ALMS1: variants seen among roughly 807,000 people sequenced by gnomAD.
ALMS1 encodes ALMS1 centrosome and basal body associated protein.
A neutral mutation model predicts 352.2 loss-of-function variants in ALMS1; 271 were observed. The ratio of observed to expected loss-of-function variants is 0.77; its 90% CI spans 0.70 to 0.85. The LOEUF is 0.85. ALMS1 is among the 40% of genes least tolerant of loss of function. The probability of loss-of-function intolerance (pLI) is 0.00; values close to 1 mark genes in which losing one functional copy is unlikely to be tolerated. For missense variants in ALMS1, 5,445 were observed against 4,870.7 expected, an observed-to-expected ratio of 1.12 and a Z score of -3.51; for synonymous variants, 1,865 against 1,761.2, an observed-to-expected ratio of 1.06 and a Z score of -1.48.
chr2:73,533,285 A>T (rs958865664), intron 11 of ALMS1, among the ~76,000 whole-genome samples: 2 of 152,188 alleles, frequency 1.3e-5, no homozygotes, highest in African/African-American at 4.8e-5. Flanking sequence ...CACATCACCA[A>T]GACTTTCCTG....
At chr2:73,586,806 G>T (rs1016778399) in intron 16 of ALMS1, among the ~76,000 whole-genome samples, 1 of 152,136 alleles carries the variant, frequency 6.6e-6, no homozygotes, top group African/African-American at 2.4e-5. Flanking sequence ...TATTTTGATG[G>T]AAATTGCATT....
intron 16 of ALMS1, among the ~76,000 whole-genome samples, chr2:73,589,570 T>A (rs1470414803): frequency 6.6e-6 from 1 of 152,248 alleles, no homozygotes; most frequent in Non-Finnish European, 1.5e-5. Flanking sequence ...TACATATTTT[T>A]TAAGTATGCA....
At chr2:73,402,835 T>C (rs1468005567) in intron 1 of ALMS1, among the ~76,000 whole-genome samples, 1 of 152,200 alleles carries the variant, frequency 6.6e-6, no homozygotes, top group East Asian at 1.9e-4. Context: ...TTTTTCTGTT[T>C]TGGAGAAATG....
chr2:73,455,072 A>G, intron 8 of ALMS1, 90 bp from the exon 9 acceptor site: 1 of 1,424,880 alleles, frequency 7.0e-7, no homozygotes, highest in East Asian at 2.3e-5. Flanking sequence ...TGGGTATTAA[A>G]TTGCATATAT....
In ALMS1 at chr2:73,453,012, C is replaced by T; in HGVS notation, c.6485C>T (p.Thr2162Ile). Residue 2162 changes from threonine to isoleucine, a missense_variant, in exon 8 of 23, where the codon ACT (threonine) becomes ATT (isoleucine). Coordinates refer to ENST00000613296, the MANE Select transcript of ALMS1 (RefSeq NM_001378454.1). ...AAGGATTTGCCAGATAGACATCTAA[C>T]TGAAGATGCTCTAAAGATCTCAAGT... ...YQKDLPDRHL[T>I]EDALKISSAL... The T allele has an allele frequency of 6.2e-7, 1 of 1,613,150 alleles. No homozygotes were observed. Among genetic ancestry groups the T allele is most frequent in the Non-Finnish European group, 8.5e-7 (1 of 1,179,774 alleles).
chr2:73,504,233 C>T lies in ALMS1; in HGVS notation c.9539+12735C>T, dbSNP rs77550876. Reference sequence around the variant, plus strand: ...ACAATACAGTCAAGTGGACTACAGACGCTAATCAGATTTCACAAGTTTTTG... The same window carrying T: ...ACAATACAGTCAAGTGGACTACAGATGCTAATCAGATTTCACAAGTTTTTG... On this transcript the variant is annotated intron_variant, in intron 10 of 22. Coordinates refer to ENST00000613296, the MANE Select transcript of ALMS1 (RefSeq NM_001378454.1). Among the ~76,000 whole-genome samples, 947 of 152,214 alleles carry T rather than the reference C, an allele frequency of 6.2e-3. 10 individuals carry two copies. The highest frequency in any genetic ancestry group is 0.021 in the African/African-American group (888 of 41,536).
At chr2:73,531,215 A>G (rs772293612) in intron 11 of ALMS1, among the ~76,000 whole-genome samples, 4 of 152,174 alleles carry the variant, frequency 2.6e-5, no homozygotes, top group Non-Finnish European at 5.9e-5. Context: ...ATAAGTTCCA[A>G]TTTCAAACCC....
At chr2:73,525,778 G>T (rs895105320) in intron 11 of ALMS1, among the ~76,000 whole-genome samples, 3 of 151,970 alleles carry the variant, frequency 2.0e-5, no homozygotes, top group East Asian at 3.9e-4. Flanking sequence ...TTTTTAACTT[G>T]ATGTGATCAC....
chr2:73,408,309 A>G (rs981307734), intron 1 of ALMS1, among the ~76,000 whole-genome samples: 17 of 152,154 alleles, frequency 1.1e-4, no homozygotes, highest in Admixed American at 4.6e-4. Context: ...TTCAGTCCCT[A>G]TTATTGGGGT....
intron 20 of ALMS1, among the ~76,000 whole-genome samples, chr2:73,603,002 C>T (rs781070630): frequency 2.6e-5 from 4 of 152,098 alleles, no homozygotes; most frequent in Non-Finnish European, 5.9e-5. Context: ...CTTTAGAAAC[C>T]GGCCAGATTT....
chr2:73,544,994 C>A (rs1674281956), intron 12 of ALMS1, among the ~76,000 whole-genome samples: 1 of 151,926 alleles, frequency 6.6e-6, no homozygotes, highest in Non-Finnish European at 1.5e-5. Flanking sequence ...CATGGAGACA[C>A]AAAGTAGAAT....
intron 12 of ALMS1, among the ~76,000 whole-genome samples, chr2:73,549,321 T>G (rs185245267): frequency 0.016 from 2,469 of 152,320 alleles, 65 homozygotes; most frequent in African/African-American, 0.056. Flanking sequence ...TTCAGTGTTT[T>G]GTCTTTTGTA....
intron 2 of ALMS1, among the ~76,000 whole-genome samples, chr2:73,414,487 TTG>T (rs1179216977): frequency 0.011 from 623 of 57,988 alleles, 1 homozygote; most frequent in African/African-American, 0.022. Flanking sequence ...TTTTTTTTTT[TTG>T]TTTTTTTTTT....
intron 11 of ALMS1, among the ~76,000 whole-genome samples, chr2:73,529,481 G>C (rs1420212300): frequency 6.6e-6 from 1 of 152,096 alleles, no homozygotes; most frequent in Non-Finnish European, 1.5e-5. Flanking sequence ...GATATTTGTT[G>C]GTGTCTGAGC....
chr2:73,537,327 A>G (rs549873426), intron 12 of ALMS1, among the ~76,000 whole-genome samples: 1 of 152,318 alleles, frequency 6.6e-6, no homozygotes, highest in East Asian at 1.9e-4. Context: ...GACCCCATGT[A>G]TGCGTAGGCC....
chr2:73,528,482 TTGTC>T (rs1673840243), intron 11 of ALMS1, among the ~76,000 whole-genome samples: 1 of 152,224 alleles, frequency 6.6e-6, no homozygotes, highest in Non-Finnish European at 1.5e-5. Flanking sequence ...ATAATGACCT[TTGTC>T]TGTTTTTATA....
chr2:73,561,855 A>T (rs1236144520), intron 15 of ALMS1, among the ~76,000 whole-genome samples: 1 of 152,218 alleles, frequency 6.6e-6, no homozygotes, highest in Non-Finnish European at 1.5e-5. Context: ...CATACTCTAG[A>T]AGATAAGAAA....
intron 9 of ALMS1, among the ~76,000 whole-genome samples, chr2:73,468,610 C>CT (rs1327339605): frequency 6.6e-6 from 1 of 151,942 alleles, no homozygotes; most frequent in Non-Finnish European, 1.5e-5. Context: ...TTTGATTACT[C>CT]TGAGTACTTC....
At chr2:73,548,777 G>T (rs1239715598) in intron 12 of ALMS1, among the ~76,000 whole-genome samples, 1 of 152,122 alleles carries the variant, frequency 6.6e-6, no homozygotes, top group East Asian at 1.9e-4. Context: ...TTGGGCAATG[G>T]TACATTATTT....
Sources: gnomAD v4.1 joint callset for allele counts (sites outside exome capture counted in the v4.1 genomes callset) on GRCh38, gnomAD v4.1.1 for gene constraint, MANE v1.5 for transcripts, NCBI Gene and HGNC (gene_info 2026-07-23, HGNC 2026-07-21) for gene names.